Variants in KALRN observed in about 807,000 individuals in gnomAD.
KALRN encodes the protein kalirin.
A neutral mutation model predicts 353.7 loss-of-function variants in KALRN; 70 were observed. The observed-to-expected ratio is 0.20, with a 90% CI of 0.16 to 0.24. The LOEUF (loss-of-function observed/expected upper bound fraction) is 0.24. Among genes scored for constraint, KALRN ranks in the 10% least tolerant of loss-of-function variants. The pLI, the probability that KALRN is intolerant of heterozygous loss-of-function variation, is 1.00. For missense variants in KALRN, 2,791 were observed against 3,756.7 expected, an observed-to-expected ratio of 0.74 and a Z score of 6.72; for synonymous variants, 1,391 against 1,434.8, an observed-to-expected ratio of 0.97 and a Z score of 0.69.
intron 5 of KALRN, among the ~76,000 whole-genome samples, chr3:124,276,847 G>T (rs2074781680): frequency 6.6e-6 from 1 of 152,214 alleles, no homozygotes; most frequent in Non-Finnish European, 1.5e-5. Context: ...TCACAGATGG[G>T]AAAGCTGAGA....
chr3:124,062,664 G>GT (rs2042068653), intron 1 of KALRN, among the ~76,000 whole-genome samples: 1 of 152,146 alleles, frequency 6.6e-6, no homozygotes, highest in Non-Finnish European at 1.5e-5. Context: ...ACTTTCTCTT[G>GT]TTTTTTAAAG....
intron 6 of KALRN, among the ~76,000 whole-genome samples, chr3:124,308,941 C>G (rs559132925): frequency 5.3e-5 from 8 of 151,914 alleles, no homozygotes; most frequent in South Asian, 2.1e-4. Context: ...AAAAAAATTA[C>G]TAGACTCAGA....
At chr3:124,397,547 A>G (rs1481975315) in intron 12 of KALRN, among the ~76,000 whole-genome samples, 1 of 152,208 alleles carries the variant, frequency 6.6e-6, no homozygotes, top group Admixed American at 6.5e-5. Context: ...ATGTCACAAG[A>G]TAATGAATGT....
intron 34 of KALRN, among the ~76,000 whole-genome samples, chr3:124,623,362 A>G (rs577379504): frequency 1.8e-4 from 27 of 146,024 alleles, no homozygotes; most frequent in African/African-American, 5.2e-4. Context: ...GGGACAACAG[A>G]ACTAATAGGA....
chr3:124,060,062 T>C (rs1176084429), intron 1 of KALRN, among the ~76,000 whole-genome samples: 1 of 152,156 alleles, frequency 6.6e-6, no homozygotes, highest in Non-Finnish European at 1.5e-5. Context: ...CTCCTGAGAA[T>C]CTCTTAGCTT....
At chr3:124,348,661 A>G (rs2082521804) in intron 10 of KALRN, among the ~76,000 whole-genome samples, 1 of 152,136 alleles carries the variant, frequency 6.6e-6, no homozygotes, top group African/African-American at 2.4e-5. Flanking sequence ...AAATAGAAGT[A>G]CCATAGATCC....
At chr3:124,674,647 G>T (rs759503758) in intron 49 of KALRN, 33 bp downstream of exon 49, 22 of 1,514,400 alleles carry the variant, frequency 1.5e-5, no homozygotes, top group Non-Finnish European at 1.9e-5. Context: ...CGGGAGAGGA[G>T]TATGAGGATT....
intron 5 of KALRN, among the ~76,000 whole-genome samples, chr3:124,288,399 A>G (rs1167052233): frequency 6.6e-6 from 1 of 152,162 alleles, no homozygotes; most frequent in African/African-American, 2.4e-5. Context: ...GGAAATGTGG[A>G]CACCAATATA....
chr3:124,595,240 TA>T (rs934048832), intron 34 of KALRN, among the ~76,000 whole-genome samples: 1 of 152,182 alleles, frequency 6.6e-6, no homozygotes, highest in African/African-American at 2.4e-5. Flanking sequence ...TGTTTTCACC[TA>T]ACATATTGAA....
At chr3:124,575,677 T>C (rs1032003542) in intron 34 of KALRN, among the ~76,000 whole-genome samples, 1 of 152,166 alleles carries the variant, frequency 6.6e-6, no homozygotes, top group African/African-American at 2.4e-5. Context: ...TTCTTGCCTC[T>C]TCCAGCTTCC....
Position 124,439,200 on chromosome 3 carries a change from T to TTACACACACA in KALRN, c.3198+163_3198+164insTACACACACA, listed in dbSNP as rs1395318707. 2.4e-3 allele frequency among the ~76,000 whole-genome samples: 234 copies of TTACACACACA among 98,950 alleles called. 5 individuals carry two copies. The highest frequency in any genetic ancestry group is 8.7e-3 in the East Asian group (24 of 2,764). The allele number at this position is 98,950 out of a possible 152,430, so 64.9% of individuals were successfully genotyped here. ...TCCTTCTTCTCCTTCTCTCTCTCTCTCACACACACACACACACACACACAC... is the reference window on the plus strand; with the variant it reads ...TCCTTCTTCTCCTTCTCTCTCTCTCTTACACACACACACACACACACACACACACACACAC... On this transcript the variant is annotated intron_variant, in intron 18 of 59. Coordinates refer to ENST00000682506, the MANE Select transcript of KALRN (RefSeq NM_001388419.1).
intron 1 of KALRN, among the ~76,000 whole-genome samples, chr3:124,122,611 C>T (rs2064156365): frequency 6.6e-6 from 1 of 152,108 alleles, no homozygotes; most frequent in Non-Finnish European, 1.5e-5. Flanking sequence ...TTATGGTTAT[C>T]TGTGATCAGG....
At chr3:124,627,018 A>G (rs907188933) in intron 34 of KALRN, among the ~76,000 whole-genome samples, 2 of 152,230 alleles carry the variant, frequency 1.3e-5, no homozygotes, top group Non-Finnish European at 2.9e-5. Flanking sequence ...GTTATTCCAA[A>G]TCTGTCACTT....
intron 25 of KALRN, among the ~76,000 whole-genome samples, chr3:124,467,453 C>T (rs2060454973): frequency 6.6e-6 from 1 of 152,090 alleles, no homozygotes; most frequent in South Asian, 2.1e-4. Flanking sequence ...AAGAAAATAG[C>T]CTCAGTTGGA....
chr3:124,328,650 A>G (rs536883959), intron 7 of KALRN, among the ~76,000 whole-genome samples: 1 of 152,332 alleles, frequency 6.6e-6, no homozygotes, highest in East Asian at 1.9e-4. Flanking sequence ...GTGTTACAAA[A>G]TGTACAGAAT....
chr3:124,670,460 C>T (rs2086262777), intron 47 of KALRN, among the ~76,000 whole-genome samples: 1 of 152,196 alleles, frequency 6.6e-6, no homozygotes, highest in African/African-American at 2.4e-5. Context: ...TTGACACATA[C>T]AAGAGACAAG....
chr3:124,315,902 T>A (rs9838361), intron 6 of KALRN, among the ~76,000 whole-genome samples: 1 of 151,846 alleles, frequency 6.6e-6, no homozygotes, highest in African/African-American at 2.4e-5. Flanking sequence ...TCGATAATAA[T>A]CAGTGACAGT....
intron 47 of KALRN, among the ~76,000 whole-genome samples, chr3:124,668,097 C>T (rs1486291936): frequency 6.8e-6 from 1 of 147,670 alleles, no homozygotes; most frequent in Non-Finnish European, 1.5e-5. Flanking sequence ...CACACACAAC[C>T]ACCTTTGGGT....
intron 1 of KALRN, among the ~76,000 whole-genome samples, chr3:124,221,049 G>A (rs2077852314): frequency 6.6e-6 from 1 of 152,228 alleles, no homozygotes; most frequent in Admixed American, 6.5e-5. Flanking sequence ...GGCACTTGCA[G>A]TGGCATCTTT....
Sources: gnomAD v4.1 joint callset for allele counts (sites outside exome capture counted in the v4.1 genomes callset) on GRCh38, gnomAD v4.1.1 for gene constraint, MANE v1.5 for transcripts, NCBI Gene and HGNC (gene_info 2026-07-23, HGNC 2026-07-21) for gene names.